The following CORIN variants were observed in gnomAD, a reference collection of about 807,000 sequenced individuals.
CORIN encodes the protein atrial natriuretic peptide-converting enzyme.
CORIN carries 117 observed loss-of-function variants against 125.3 expected under a neutral mutation model. That is an observed-to-expected ratio of 0.93 (90% confidence interval 0.80 to 1.09). The LOEUF is 1.09. Ranked by LOEUF, CORIN falls within the 50% of genes least tolerant of loss-of-function variation. CORIN has a pLI of 0.00. For missense variants in CORIN, 1,253 were observed against 1,306.7 expected (o/e 0.96, Z 0.63); for synonymous variants, 450 against 466.4 (o/e 0.96, Z 0.45).
chr4:47,737,306 T>C (rs1314640004), intron 5 of CORIN, among the ~76,000 whole-genome samples: 1 of 152,240 alleles, frequency 6.6e-6, no homozygotes, highest in East Asian at 1.9e-4. Flanking sequence ...GTCTGGCCCA[T>C]ATCACATATA....
intron 15 of CORIN, 122 bp downstream of exon 15, chr4:47,643,024 A>C: frequency 6.4e-7 from 1 of 1,551,302 alleles, no homozygotes; most frequent in East Asian, 2.4e-5. Context: ...CAGCTTTTAT[A>C]ACAGTAAAAC....
chr4:47,711,038 T>C (rs1176256204), intron 5 of CORIN, among the ~76,000 whole-genome samples: 28 of 152,176 alleles, frequency 1.8e-4, no homozygotes, highest in Admixed American at 1.8e-3. Context: ...CCTCAGACTT[T>C]GAAGAACAAA....
At chr4:47,818,180 A>G (rs1560563417) in intron 1 of CORIN, among the ~76,000 whole-genome samples, 1 of 152,252 alleles carries the variant, frequency 6.6e-6, no homozygotes, top group South Asian at 2.1e-4. Flanking sequence ...TCTTACTTTC[A>G]GAAAAAGTGT....
At chr4:47,825,969 C>A (rs1732730024) in intron 1 of CORIN, among the ~76,000 whole-genome samples, 1 of 152,144 alleles carries the variant, frequency 6.6e-6, no homozygotes, top group Non-Finnish European at 1.5e-5. Flanking sequence ...TCCCAAAGTG[C>A]TAGGATTACA....
At chr4:47,765,184 G>A (rs745490655) in intron 3 of CORIN, among the ~76,000 whole-genome samples, 3 of 151,710 alleles carry the variant, frequency 2.0e-5, no homozygotes, top group Non-Finnish European at 4.4e-5. Flanking sequence ...GGTGGCGGGC[G>A]TTGTGGGGGG....
chr4:47,721,323 G>A (rs1396395841), intron 5 of CORIN, among the ~76,000 whole-genome samples: 10 of 151,432 alleles, frequency 6.6e-5, no homozygotes, highest in East Asian at 3.9e-4. Flanking sequence ...AGGCTAGAGT[G>A]CAATGGTGCG....
intron 8 of CORIN, 100 bp from the exon 9 acceptor site, chr4:47,678,154 A>G (rs1725113820): frequency 1.2e-6 from 1 of 844,870 alleles, no homozygotes; most frequent in African/African-American, 1.7e-5. Context: ...TCGCTAAGAA[A>G]CAAGGTGTTC....
chr4:47,603,659 A>C lies in CORIN; in HGVS notation c.2550T>G (p.Asn850Lys). 6.2e-7 allele frequency: 1 copy of C among 1,612,872 alleles called. No homozygotes were observed. The highest frequency in any genetic ancestry group is 8.5e-7 in the Non-Finnish European group (1 of 1,178,908). ...TVAHCFEGRE[N>K]AAVWKVVLGI... ...CAAGCACCACTTTCCAAACTGCAGC[A>C]TTCTCTCTCCTAAAATTATAATTCA... Residue 850 changes from asparagine to lysine, a missense_variant, in exon 20 of 22, where the codon AAT becomes AAG. Coordinates refer to ENST00000273857, the MANE Select transcript of CORIN (RefSeq NM_006587.4).
chr4:47,654,111 T>C (rs1577787419), intron 12 of CORIN, among the ~76,000 whole-genome samples: 1 of 152,248 alleles, frequency 6.6e-6, no homozygotes, highest in African/African-American at 2.4e-5. Flanking sequence ...AGGTTTGATG[T>C]TCACCTTTGC....
intron 15 of CORIN, chr4:47,642,841 T>A: frequency 6.9e-7 from 1 of 1,450,428 alleles, no homozygotes; most frequent in Non-Finnish European, 9.0e-7. Flanking sequence ...ATCATTAAAT[T>A]TATTGAAGTT....
chr4:47,741,905 G>T (rs1488230564), intron 5 of CORIN, among the ~76,000 whole-genome samples: 1 of 152,014 alleles, frequency 6.6e-6, no homozygotes, highest in African/African-American at 2.4e-5. Context: ...GGGCTGAGGA[G>T]AGGGATAGCA....
intron 5 of CORIN, among the ~76,000 whole-genome samples, chr4:47,708,628 G>A (rs1726693085): frequency 6.6e-6 from 1 of 152,076 alleles, no homozygotes; most frequent in Non-Finnish European, 1.5e-5. Context: ...GTGCCTCTGG[G>A]TTCCATACCA....
Position 47,692,982 on chromosome 4 carries a change from CG to C in CORIN, c.900del (p.Asp300GlufsTer35). 6.2e-7 allele frequency: 1 copy of C among 1,612,632 alleles called. No homozygotes were observed. The highest frequency in any genetic ancestry group is 1.3e-5 in the African/African-American group (1 of 74,986). ...NGYNDCDDWSDEAHCNCSENL... is the reference protein window; with the variant it reads ...NGYNDCDDWSXEAHCNCSENL... ...GCTTGTCACATACTGCAATGAGCCTCGTCACTCCAGTCGTCACAGTCGTTGT... is the reference window on the plus strand; with the variant it reads ...GCTTGTCACATACTGCAATGAGCCTCTCACTCCAGTCGTCACAGTCGTTGT... On this transcript the variant is annotated frameshift_variant, in exon 6 of 22. Transcript: ENST00000273857. LOFTEE classifies it high-confidence loss of function.
intron 1 of CORIN, among the ~76,000 whole-genome samples, chr4:47,825,440 T>C (rs1411325829): frequency 6.6e-6 from 1 of 152,150 alleles, no homozygotes; most frequent in Non-Finnish European, 1.5e-5. Context: ...AATTAGAAAC[T>C]GACAATGGGA....
rs1722560846 is a variant in CORIN at position 47,626,316 on chromosome 4, A to C, written c.2315+89T>G. ...TTTACTGATATGACAAATTTGGATT[A>C]TCTTAAGTTAAAAAATGGAAGAAAG... On this transcript the variant is annotated intron_variant, in intron 17 of 21. Transcript: ENST00000273857. 24 of 813,930 alleles carry C rather than the reference A, an allele frequency of 2.9e-5. No individual in the cohort carries two copies. The South Asian group carries it at 3.3e-4, about 11-fold the overall frequency. The allele number at this position is 813,930 out of a possible 1,614,324, so 50.4% of individuals were successfully genotyped here.
intron 19 of CORIN, among the ~76,000 whole-genome samples, chr4:47,606,377 C>A (rs994172266): frequency 6.6e-6 from 1 of 152,108 alleles, no homozygotes; most frequent in Non-Finnish European, 1.5e-5. Context: ...CTCAGCCCCC[C>A]ACCAAGTAGC....
intron 1 of CORIN, among the ~76,000 whole-genome samples, chr4:47,825,509 A>G (rs1467961094): frequency 2.0e-5 from 3 of 152,214 alleles, no homozygotes; most frequent in African/African-American, 7.2e-5. Flanking sequence ...CTAAAGTTCT[A>G]GGATCACTGG....
chr4:47,804,718 G>C (rs1233156648), intron 2 of CORIN, among the ~76,000 whole-genome samples: 3 of 128,702 alleles, frequency 2.3e-5, no homozygotes, highest in Non-Finnish European at 4.9e-5. Context: ...AGGCTGGGAA[G>C]GATGGTGGGG....
intron 12 of CORIN, among the ~76,000 whole-genome samples, chr4:47,659,104 C>T (rs1724131141): frequency 6.6e-6 from 1 of 152,212 alleles, no homozygotes; most frequent in Admixed American, 6.5e-5. Context: ...AACCTTTCCC[C>T]CGGTTCCCAA....
Sources: gnomAD v4.1 joint callset for allele counts (sites outside exome capture counted in the v4.1 genomes callset) on GRCh38, gnomAD v4.1.1 for gene constraint, MANE v1.5 for transcripts, NCBI Gene and HGNC (gene_info 2026-07-23, HGNC 2026-07-21) for gene names.